The following LZTS3 variants were observed in gnomAD, a reference collection of about 807,000 sequenced individuals.
LZTS3 encodes leucine zipper putative tumor suppressor 3.
In LZTS3, 16 loss-of-function variants were observed where a neutral mutation model predicts 50.9. The ratio of observed to expected loss-of-function variants is 0.31; its 90% CI spans 0.21 to 0.48. The LOEUF (loss-of-function observed/expected upper bound fraction) is 0.48, where lower values mean the gene tolerates loss of function less well. Among genes scored for constraint, LZTS3 ranks in the 20% least tolerant of loss-of-function variants. LZTS3 has a pLI of 0.99. For missense variants in LZTS3, 816 were observed against 931.0 expected (o/e 0.88, Z 1.61); for synonymous variants, 408 against 410.6 (o/e 0.99, Z 0.08).
chr20:3,165,924 G>A lies in LZTS3; in HGVS notation c.896C>T (p.Ser299Phe). ...CAGGCCTCCACCTCCGCCCTCCCCA[G>A]AGCCCAGGTGGCCTGGCCGCCCCAT... ...SSMGRPGHLGSGEGGGGGLPF... is the reference protein window; with the variant it reads ...SSMGRPGHLGFGEGGGGGLPF... The change falls in exon 4 of 5, where the codon TCT becomes TTT. Residue 299 changes from serine (S) to phenylalanine (F), a missense_variant. Ser to Phe is a radical substitution (Grantham distance 155). Around this residue, in one of 3 missense-constraint regions of LZTS3, gnomAD observed 700 missense variants for 769.4 expected, o/e 0.91. Coordinates refer to ENST00000337576, the MANE Select transcript of LZTS3 (RefSeq NM_001365618.1). The surrounding 1 kb of genome is among the most constrained non-coding windows in gnomAD (Gnocchi z 5.0). 6.2e-7 allele frequency: 1 copy of A among 1,611,358 alleles called. No homozygotes were observed. The highest frequency in any genetic ancestry group is 8.5e-7 in the Non-Finnish European group (1 of 1,179,978).
Position 3,165,401 on chromosome 20 carries a change from C to G in LZTS3, c.1323+96G>C, listed in dbSNP as rs1261639957. 3 of 1,301,962 alleles carry G rather than the reference C, an allele frequency of 2.3e-6. No individual in the cohort carries two copies. Among genetic ancestry groups the G allele is most frequent in the Non-Finnish European group, 2.1e-6 (2 of 975,522 alleles). 80.7% of individuals were successfully genotyped at this position (1,301,962 alleles called of 1,614,324 possible). On this transcript the variant is annotated intron_variant, in intron 4 of 4. Coordinates refer to ENST00000337576, the MANE Select transcript of LZTS3 (RefSeq NM_001365618.1). This position sits in a 1 kb window ranked among gnomAD's most constrained non-coding sequence, Gnocchi z 5.0. ...CCCCCTGCTCCTTTCATCCCCCCCC[C>G]CATCCCACCGTTATGATAGTGAGGG...
chr20:3,172,395 G>T (rs1223202789), intron 1 of LZTS3, among the ~76,000 whole-genome samples: 1 of 152,184 alleles, frequency 6.6e-6, no homozygotes, highest in Non-Finnish European at 1.5e-5. Flanking sequence ...CAGAACCAGA[G>T]CAGAGCTTGC....
Position 3,163,999 on chromosome 20 carries a change from CTG to C in LZTS3, c.*453_*454del, listed in dbSNP as rs2066766666. 6.3e-6 allele frequency: 1 copy of C among 157,742 alleles called. No homozygotes were observed. The highest frequency in any genetic ancestry group is 2.4e-5 in the African/African-American group (1 of 41,674). 9.8% of individuals were successfully genotyped at this position (157,742 alleles called of 1,614,324 possible). ...GGGAGAGAGGTCTGGAGCCCAGGCT[CTG>C]TCAGTTTCAGCAAACCTGGTGCAGG... On this transcript the variant is annotated 3_prime_UTR_variant, in exon 5 of 5. Transcript: ENST00000337576. The surrounding 1 kb of genome is among the most constrained non-coding windows in gnomAD (Gnocchi z 5.2).
chr20:3,164,408 G>A lies in LZTS3; in HGVS notation c.*46C>T. On this transcript the variant is annotated 3_prime_UTR_variant, in exon 5 of 5. Coordinates refer to ENST00000337576, the MANE Select transcript of LZTS3 (RefSeq NM_001365618.1). ...GAGGGGAGGGGACACTGGGGACTCTGGCCTTTTGACAGGACATGTGTCAAA... is the reference window on the plus strand; with the variant it reads ...GAGGGGAGGGGACACTGGGGACTCTAGCCTTTTGACAGGACATGTGTCAAA... The A allele has an allele frequency of 1.3e-6, 2 of 1,490,574 alleles. No homozygotes were observed. Among genetic ancestry groups the A allele is most frequent in the Admixed American group, 4.5e-5 (2 of 43,992 alleles). The allele number at this position is 1,490,574 out of a possible 1,614,324, so 92.3% of individuals were successfully genotyped here.
At chr20:3,167,399 C>A in intron 2 of LZTS3, 1 of 1,327,292 alleles carries the variant, frequency 7.5e-7, no homozygotes, top group Non-Finnish European at 9.6e-7. Context: ...AAGCCCAACC[C>A]CCAGGGCTCC....
chr20:3,171,026 AT>A (rs1235894246), intron 1 of LZTS3, among the ~76,000 whole-genome samples: 2 of 152,188 alleles, frequency 1.3e-5, no homozygotes, highest in Non-Finnish European at 2.9e-5. Flanking sequence ...AGGCAAGGGG[AT>A]AGCAAGGTGA....
intron 1 of LZTS3, among the ~76,000 whole-genome samples, 187 bp downstream of exon 1, chr20:3,173,268 C>G (rs1425626868): frequency 6.6e-6 from 1 of 152,128 alleles, no homozygotes; most frequent in African/African-American, 2.4e-5. Flanking sequence ...GCCGCCACCT[C>G]CCCCCAGGCC....
rs745353773 is a variant in LZTS3 at position 3,166,975 on chromosome 20, G to A, written c.189C>T (p.Gly63=). The change falls in exon 3 of 5, where the codon GGC becomes GGT. Residue 63 remains glycine, a synonymous_variant. Transcript: ENST00000337576. The stretch of plus-strand genomic sequence containing the variant: ...GGGGGCCAGGGAAACTGCCCTGGCT[G>A]CCCCCACCCCCTGTGCGGGTACCCA... The part of the protein sequence containing the change: ...KSVGTRTGGG[G]SQGSFPGPRG... 18 of 1,600,856 alleles carry A rather than the reference G, an allele frequency of 1.1e-5. No homozygotes were observed. The highest frequency in any genetic ancestry group is 1.6e-4 in the Middle Eastern group (1 of 6,078).
Position 3,164,319 on chromosome 20 carries a change from T to C in LZTS3, c.*135A>G, listed in dbSNP as rs972789437. ...GAGGGCAGGTGGGGAGGGAGGAACC[T>C]GGTCACAGCTGCTTAGAGAACCTCT... On this transcript the variant is annotated 3_prime_UTR_variant, in exon 5 of 5. Transcript: ENST00000337576. 8 of 957,192 alleles carry C rather than the reference T, an allele frequency of 8.4e-6. No individual in the cohort carries two copies. The African/African-American group carries it at 1.2e-4, about 14-fold the overall frequency. 59.3% of individuals were successfully genotyped at this position (957,192 alleles called of 1,614,324 possible).
At position 3,165,903 on chromosome 20, in the gene LZTS3, C is replaced by G. The variant is rs760644487; in HGVS notation, c.917G>C (p.Gly306Ala). The stretch of plus-strand genomic sequence containing the variant: ...CGGTGAGCAGGCCGCGAAAGGCAGG[C>G]CTCCACCTCCGCCCTCCCCAGAGCC... Reference protein sequence around the residue: ...HLGSGEGGGGGLPFAACSPPS... With the variant: ...HLGSGEGGGGALPFAACSPPS... Residue 306 changes from glycine (G) to alanine (A), a missense_variant, in exon 4 of 5, where the codon GGC (glycine) becomes GCC (alanine). Physicochemically the swap from Gly to Ala is moderately conservative, Grantham distance 60 (BLOSUM62 0). This residue lies in a region of LZTS3 where 700 missense variants were observed against 769.4 expected (regional missense o/e 0.91). Coordinates refer to ENST00000337576, the MANE Select transcript of LZTS3 (RefSeq NM_001365618.1). The surrounding 1 kb of genome is among the most constrained non-coding windows in gnomAD (Gnocchi z 5.0). 2 of 1,609,094 alleles carry G rather than the reference C, an allele frequency of 1.2e-6. No individual in the cohort carries two copies. Among genetic ancestry groups the G allele is most frequent in the Non-Finnish European group, 1.7e-6 (2 of 1,179,744 alleles).
At chr20:3,170,539 T>C (rs1410549952) in intron 1 of LZTS3, among the ~76,000 whole-genome samples, 1 of 141,568 alleles carries the variant, frequency 7.1e-6, no homozygotes, top group Non-Finnish European at 1.5e-5. Flanking sequence ...CTTGTAATCC[T>C]AGCACTTAGG....
At position 3,170,362 on chromosome 20, in the gene LZTS3, G is replaced by A. The variant is rs139195535; in HGVS notation, c.-242-2401C>T. On this transcript the variant is annotated intron_variant, in intron 1 of 4. Transcript: ENST00000337576. ...AAAAATTAGCTGGGCGTGGTGGTGC[G>A]CGCCTGTAATCCCCTACTCAGGAGG... Among the ~76,000 whole-genome samples the A allele has an allele frequency of 4.7e-3, 710 of 150,242 alleles. 1 individual carries two copies. Among genetic ancestry groups the A allele is most frequent in the Non-Finnish European group, 8.5e-3 (572 of 67,658 alleles).
chr20:3,166,548 T>C (rs991661233), intron 3 of LZTS3, among the ~76,000 whole-genome samples, 157 bp downstream of exon 3: 1 of 152,044 alleles, frequency 6.6e-6, no homozygotes, highest in African/African-American at 2.4e-5. Context: ...ATCTACCCGC[T>C]AGACTTGGCC....
At chr20:3,170,140 G>A (rs866979925) in intron 1 of LZTS3, among the ~76,000 whole-genome samples, 5 of 152,136 alleles carry the variant, frequency 3.3e-5, no homozygotes, top group Admixed American at 6.5e-5. Context: ...GTGTGCTGCG[G>A]ATTTAGGAGC....
intron 1 of LZTS3, among the ~76,000 whole-genome samples, chr20:3,168,790 G>A (rs1275557356): frequency 1.3e-5 from 2 of 152,218 alleles, no homozygotes; most frequent in Non-Finnish European, 2.9e-5. Context: ...AACCAGGCAG[G>A]GAGCCCTCCT....
In LZTS3 at chr20:3,165,031, G is replaced by T; in HGVS notation, c.1445C>A (p.Ala482Asp). The change falls in exon 5 of 5, where the codon GCT becomes GAT. Residue 482 changes from alanine to aspartate, a missense_variant. This residue lies in a region of LZTS3 where 700 missense variants were observed against 769.4 expected (regional missense o/e 0.91). Coordinates refer to ENST00000337576, the MANE Select transcript of LZTS3 (RefSeq NM_001365618.1). This position sits in a 1 kb window ranked among gnomAD's most constrained non-coding sequence, Gnocchi z 5.0. ...GLRSQLREGR[A>D]SLREKEEQLL... Reference sequence around the variant, plus strand: ...CTGCTCCTCCTTCTCCCGCAGCGAAGCCCGGCCCTCCCGCAGCTGCGAGCG... The same window carrying T: ...CTGCTCCTCCTTCTCCCGCAGCGAATCCCGGCCCTCCCGCAGCTGCGAGCG... The T allele has an allele frequency of 6.4e-7, 1 of 1,565,748 alleles. No individual in the cohort carries two copies. The highest frequency in any genetic ancestry group is 8.6e-7 in the Non-Finnish European group (1 of 1,156,606).
At position 3,165,597 on chromosome 20, in the gene LZTS3, G is replaced by T; in HGVS notation, c.1223C>A (p.Ala408Asp). 1.3e-6 allele frequency: 2 copies of T among 1,596,764 alleles called. No homozygotes were observed. Among genetic ancestry groups the T allele is most frequent in the South Asian group, 1.1e-5 (1 of 90,786 alleles). ...QDKKQLQEEA[A>D]RLMRQREELE... is the part of the protein sequence containing the mutation. ...CTCTTCCCGCTGCCGCATCAGCCGG[G>T]CCGCCTCCTCCTGCAGCTGCTTCTT... Residue 408 changes from alanine to aspartate, a missense_variant, in exon 4 of 5, where the codon GCC becomes GAC. Ala to Asp is a moderately radical substitution (Grantham distance 126). Coordinates refer to ENST00000337576, the MANE Select transcript of LZTS3 (RefSeq NM_001365618.1). This position sits in a 1 kb window ranked among gnomAD's most constrained non-coding sequence, Gnocchi z 5.0.
chr20:3,165,396 C>CGA lies in LZTS3; in HGVS notation c.1323+100_1323+101insTC. On this transcript the variant is annotated intron_variant, in intron 4 of 4. Transcript: ENST00000337576. This position sits in a 1 kb window ranked among gnomAD's most constrained non-coding sequence, Gnocchi z 5.0. ...TTGTCCCCCCTGCTCCTTTCATCCC[C>CGA]CCCCCCATCCCACCGTTATGATAGT... is the stretch of plus-strand genomic sequence containing the variant. 1 of 1,126,298 alleles carries CGA rather than the reference C, an allele frequency of 8.9e-7. No individual in the cohort carries two copies. The highest frequency in any genetic ancestry group is 1.2e-6 in the Non-Finnish European group (1 of 829,478). 69.8% of individuals were successfully genotyped at this position (1,126,298 alleles called of 1,614,324 possible). A position where few individuals can be genotyped will look rare whatever the true frequency, so the allele number is the denominator to read the frequency against.
chr20:3,173,306 C>G (rs1204392997), intron 1 of LZTS3, 149 bp downstream of exon 1: 1 of 152,710 alleles, frequency 6.5e-6, no homozygotes, highest in Non-Finnish European at 1.5e-5. Context: ...CATCATCCGC[C>G]TCCTCTCCGC....
Sources: allele counts gnomAD v4.1 joint callset (sites outside exome capture counted in the v4.1 genomes callset), GRCh38; gene constraint gnomAD v4.1.1; regional missense constraint gnomAD v4.1.1; non-coding constraint Gnocchi (gnomAD v3.1); transcripts MANE v1.5; gene names NCBI Gene and HGNC (gene_info 2026-07-23, HGNC 2026-07-21).